The following CDK17 variants were observed in gnomAD, a reference collection of about 807,000 sequenced individuals.
The protein encoded by CDK17 is cyclin dependent kinase 17.
In CDK17, 24 loss-of-function variants were observed where a neutral mutation model predicts 77.6. That is an observed-to-expected ratio of 0.31 (90% CI 0.22 to 0.44). The LOEUF is 0.44. Ranked by LOEUF, CDK17 falls within the 20% of genes least tolerant of loss-of-function variation. CDK17 has a pLI of 1.00. For synonymous variants in CDK17, 203 were observed against 210.4 expected (o/e 0.96, Z 0.30); for missense variants, 429 against 622.5 (o/e 0.69, Z 3.31).
intron 6 of CDK17, among the ~76,000 whole-genome samples, chr12:96,299,798 C>T (rs1457745631): frequency 6.6e-6 from 1 of 152,204 alleles, no homozygotes; most frequent in Non-Finnish European, 1.5e-5. Flanking sequence ...CCTCAAGCTC[C>T]TTTAAGCCTT....
At chr12:96,399,044 T>A (rs1180251698) in intron 1 of CDK17, 1 of 152,152 alleles carries the variant, frequency 6.6e-6, no homozygotes, top group East Asian at 1.9e-4. Flanking sequence ...AGCTCAGACA[T>A]CCTGTCATTA....
At chr12:96,377,973 G>A (rs1332531059) in intron 1 of CDK17, among the ~76,000 whole-genome samples, 8 of 152,136 alleles carry the variant, frequency 5.3e-5, no homozygotes, top group African/African-American at 1.4e-4. Context: ...GATTACAGGC[G>A]TGAGCCACTG....
rs542612193 is a variant in CDK17, at chr12:96,307,428, T to TA, written c.543+3623dup. ...AAAAGATAGCTCCTAAATGATAGCT[T>TA]AAAAAAATTACATGGTGATTAAATC... On this transcript the variant is annotated intron_variant, in intron 5 of 16. Coordinates refer to ENST00000261211, the MANE Select transcript of CDK17 (RefSeq NM_002595.5). Among the ~76,000 whole-genome samples the TA allele has an allele frequency of 2.0e-3, 306 of 152,270 alleles. 1 individual carries two copies. Among genetic ancestry groups the TA allele is most frequent in the African/African-American group, 6.6e-3 (273 of 41,554 alleles).
rs956685840 is a variant in CDK17, at chr12:96,279,072, CAAAT to C, written c.*1166_*1169del. The C allele has an allele frequency of 2.0e-5, 3 of 152,522 alleles. No homozygotes were observed. Among genetic ancestry groups the C allele is most frequent in the African/African-American group, 7.2e-5 (3 of 41,430 alleles). 9.4% of individuals were successfully genotyped at this position (152,522 alleles called of 1,614,324 possible). A position where few individuals can be genotyped will look rare whatever the true frequency, so the allele number is the denominator to read the frequency against. ...TTTATAGTTTGTAAGATGCACTAAA[CAAAT>C]AGTCCTTAAAAGTGAACAAAAATGC... On this transcript the variant is annotated 3_prime_UTR_variant, in exon 17 of 17. Transcript: ENST00000261211.
At chr12:96,387,901 C>T (rs1348226126) in intron 1 of CDK17, among the ~76,000 whole-genome samples, 2 of 151,992 alleles carry the variant, frequency 1.3e-5, no homozygotes, top group African/African-American at 4.8e-5. Context: ...TGGGACTGCA[C>T]TGATGTGCTC....
intron 11 of CDK17, among the ~76,000 whole-genome samples, chr12:96,287,701 A>G (rs1428381424): frequency 6.6e-6 from 1 of 152,164 alleles, no homozygotes; most frequent in Non-Finnish European, 1.5e-5. Flanking sequence ...AGGGTCCTGA[A>G]AAGGTATTTG....
At chr12:96,314,038 A>T (rs1472725722) in intron 3 of CDK17, among the ~76,000 whole-genome samples, 2 of 152,222 alleles carry the variant, frequency 1.3e-5, no homozygotes, top group Non-Finnish European at 2.9e-5. Flanking sequence ...TTTGTACCAG[A>T]ACTACAAAAA....
intron 10 of CDK17, among the ~76,000 whole-genome samples, chr12:96,289,837 T>C (rs1416715715): frequency 6.6e-6 from 1 of 152,236 alleles, no homozygotes; most frequent in African/African-American, 2.4e-5. Flanking sequence ...AGTGCTGTTC[T>C]GTACTCCCTT....
chr12:96,289,293 T>C lies in CDK17; in HGVS notation c.998-6A>G, dbSNP rs1271157288. 6.2e-6 allele frequency: 10 copies of C among 1,613,592 alleles called. No homozygotes were observed. The Admixed American group carries it at 8.3e-5, about 13-fold the overall frequency. ...TGACTTGGCTCGGGCTAGTCCTTCA[T>C]AGGGAAAATAAAACAAAGGGTTAAG... On this transcript the variant is annotated splice_polypyrimidine_tract_variant and splice_region_variant and intron_variant, in intron 10 of 16. Transcript: ENST00000261211.
Position 96,298,944 on chromosome 12 carries a change from T to A in CDK17, c.640A>T (p.Thr214Ser), listed in dbSNP as rs776983203. 6.2e-7 allele frequency: 1 copy of A among 1,607,716 alleles called. No homozygotes were observed. Among genetic ancestry groups the A allele is most frequent in the East Asian group, 2.2e-5 (1 of 44,748 alleles). ...ATVYKGRSKL[T>S]ENLVALKEIR... ...TCTTTTAATGCCACCAAATTCTCTGTCAATTTACTTCTTCCTTTATATACT... is the reference window on the plus strand; with the variant it reads ...TCTTTTAATGCCACCAAATTCTCTGACAATTTACTTCTTCCTTTATATACT... Residue 214 changes from threonine to serine, a missense_variant, in exon 7 of 17, where the codon ACA (threonine) becomes TCA (serine). Physicochemically the swap from Thr to Ser is moderately conservative, Grantham distance 58. Coordinates refer to ENST00000261211, the MANE Select transcript of CDK17 (RefSeq NM_002595.5).
At chr12:96,284,393 G>A (rs1462010882) in intron 13 of CDK17, 1 of 150,640 alleles carries the variant, frequency 6.6e-6, no homozygotes, top group Non-Finnish European at 1.5e-5. Flanking sequence ...CCCGGGAGGT[G>A]GGGCTTGCAG....
At chr12:96,341,489 A>C (rs1953122451) in intron 1 of CDK17, among the ~76,000 whole-genome samples, 1 of 152,224 alleles carries the variant, frequency 6.6e-6, no homozygotes, top group Non-Finnish European at 1.5e-5. Context: ...ATAACTCTCC[A>C]TTTAAAGACA....
intron 9 of CDK17, among the ~76,000 whole-genome samples, chr12:96,296,585 T>C (rs185737175): frequency 6.6e-6 from 1 of 152,322 alleles, no homozygotes; most frequent in African/African-American, 2.4e-5. Context: ...TTCTTACATA[T>C]TGTTGACTAA....
chr12:96,368,246 GGAGAT>G (rs1010005717), intron 1 of CDK17, among the ~76,000 whole-genome samples: 1 of 152,170 alleles, frequency 6.6e-6, no homozygotes, highest in African/African-American at 2.4e-5. Flanking sequence ...AAGAAAATCA[GGAGAT>G]CACAATCTTT....
At chr12:96,305,179 T>G (rs538601223) in intron 5 of CDK17, among the ~76,000 whole-genome samples, 41 of 152,330 alleles carry the variant, frequency 2.7e-4, no homozygotes, top group Admixed American at 1.8e-3. Flanking sequence ...GTTTTATTTC[T>G]TATCAATCAT....
rs541789626 is a variant in CDK17, at chr12:96,313,304, A to T, written c.417+17T>A. On this transcript the variant is annotated intron_variant, in intron 4 of 16. Coordinates refer to ENST00000261211, the MANE Select transcript of CDK17 (RefSeq NM_002595.5). Reference sequence around the variant, plus strand: ...CACACATATTCACAAGTATATTTGTATTTTTTAAATGATTACCTCCATTGA... The same window carrying T: ...CACACATATTCACAAGTATATTTGTTTTTTTTAAATGATTACCTCCATTGA... 2.6e-6 allele frequency: 4 copies of T among 1,560,762 alleles called. No individual in the cohort carries two copies. In the African/African-American group the frequency reaches 5.6e-5, roughly 22 times the overall value.
chr12:96,297,450 T>C, intron 8 of CDK17, 118 bp from the exon 9 acceptor site: 1 of 749,204 alleles, frequency 1.3e-6, no homozygotes, highest in Non-Finnish European at 2.2e-6. Flanking sequence ...GGATGCACCA[T>C]ACACATAATT....
chr12:96,303,429 G>A (rs1208895720), intron 5 of CDK17: 6 of 152,156 alleles, frequency 3.9e-5, no homozygotes, highest in Non-Finnish European at 5.9e-5. Context: ...AGTTGTCATG[G>A]TGGGGGTATT....
intron 1 of CDK17, among the ~76,000 whole-genome samples, chr12:96,385,381 T>C (rs1448602598): frequency 6.6e-6 from 1 of 152,128 alleles, no homozygotes; most frequent in African/African-American, 2.4e-5. Flanking sequence ...AATGGGGGCA[T>C]GGGCTGAAAA....
Sources: gnomAD v4.1 joint callset for allele counts (sites outside exome capture counted in the v4.1 genomes callset) on GRCh38, gnomAD v4.1.1 for gene constraint, MANE v1.5 for transcripts, NCBI Gene and HGNC (gene_info 2026-07-23, HGNC 2026-07-21) for gene names.